Variants in ANO10 observed in about 807,000 individuals in gnomAD.
ANO10 encodes the protein anoctamin 10.
ANO10 carries 77 observed loss-of-function variants against 74.7 expected under a neutral mutation model. The ratio of observed to expected loss-of-function variants is 1.03; its 90% CI spans 0.86 to 1.25. The LOEUF is 1.25. ANO10 is among the 50% of genes most tolerant of loss of function. The probability of loss-of-function intolerance (pLI) is 0.00; values close to 1 mark genes in which losing one functional copy is unlikely to be tolerated. For synonymous variants in ANO10, 279 were observed against 284.9 expected (o/e 0.98, Z 0.21); for missense variants, 721 against 778.1 (o/e 0.93, Z 0.87).
chr3:43,471,406 T>C (rs982730827), intron 11 of ANO10, among the ~76,000 whole-genome samples: 2 of 152,214 alleles, frequency 1.3e-5, no homozygotes, highest in African/African-American at 4.8e-5. Context: ...TTTTCTATTC[T>C]TGATCCAAAA....
chr3:43,506,122 T>C (rs79206819), intron 11 of ANO10, among the ~76,000 whole-genome samples: 1,710 of 152,298 alleles, frequency 0.011, 29 homozygotes, highest in African/African-American at 0.038. Flanking sequence ...AAAATAAAGA[T>C]ATAATGCTCT....
At chr3:43,665,348 G>A (rs2149574825) in intron 1 of ANO10, among the ~76,000 whole-genome samples, 1 of 152,190 alleles carries the variant, frequency 6.6e-6, no homozygotes, top group South Asian at 2.1e-4. Context: ...CACAGGGAGG[G>A]GAACATCACA....
intron 2 of ANO10, 146 bp from the exon 3 acceptor site, chr3:43,600,727 A>G (rs1484949015): frequency 3.1e-5 from 23 of 734,018 alleles, no homozygotes; most frequent in African/African-American, 8.9e-5. Context: ...AGTAAATAAC[A>G]TAAGTACATT....
intron 4 of ANO10, among the ~76,000 whole-genome samples, chr3:43,593,255 AG>A (rs1444964260): frequency 1.3e-5 from 2 of 152,234 alleles, no homozygotes; most frequent in African/African-American, 4.8e-5. Flanking sequence ...GGAAATACAG[AG>A]AACGCCACAA....
At position 43,598,595 on chromosome 3, in the gene ANO10, C is replaced by T; in HGVS notation, c.409G>A (p.Ala137Thr). 6.2e-7 allele frequency: 1 copy of T among 1,612,236 alleles called. No individual in the cohort carries two copies. The highest frequency in any genetic ancestry group is 1.7e-5 in the Admixed American group (1 of 59,904). Residue 137 changes from alanine to threonine, a missense_variant, in exon 4 of 13, where the codon GCT becomes ACT. Transcript: ENST00000292246. Reference sequence around the variant, plus strand: ...CCAGGGATCATTTTTTCATCTTTAGCTCTAAGATTTTCAAGTTCATGTTTG... The same window carrying T: ...CCAGGGATCATTTTTTCATCTTTAGTTCTAAGATTTTCAAGTTCATGTTTG... Reference protein sequence around the residue: ...IIKHELENLRAKDEKMIPGYP... With the variant: ...IIKHELENLRTKDEKMIPGYP...
chr3:43,555,547 G>A (rs1170396136), intron 9 of ANO10, 78 bp from the exon 10 acceptor site: 1 of 1,427,020 alleles, frequency 7.0e-7, no homozygotes, highest in South Asian at 1.2e-5. Flanking sequence ...TCAAAGCTGT[G>A]GCCTCTAACT....
intron 1 of ANO10, among the ~76,000 whole-genome samples, chr3:43,644,407 A>G (rs1216175321): frequency 6.6e-6 from 1 of 152,128 alleles, no homozygotes; most frequent in Admixed American, 6.6e-5. Context: ...AGGGTGAGAA[A>G]TGAGATCAAG....
chr3:43,458,824 A>G (rs902114640), intron 11 of ANO10, among the ~76,000 whole-genome samples: 1 of 152,074 alleles, frequency 6.6e-6, no homozygotes, highest in Non-Finnish European at 1.5e-5. Context: ...CTACCCCTGG[A>G]CAGGCCCGGG....
intron 12 of ANO10, among the ~76,000 whole-genome samples, chr3:43,415,705 C>T (rs2092727986): frequency 6.6e-6 from 1 of 152,030 alleles, no homozygotes; most frequent in African/African-American, 2.4e-5. Flanking sequence ...CCACGTCTGG[C>T]TAATTTTTGA....
chr3:43,626,515 G>A (rs1199275345), upstream of ANO10, among the ~76,000 whole-genome samples: 3 of 151,770 alleles, frequency 2.0e-5, no homozygotes, highest in East Asian at 5.8e-4. Flanking sequence ...TGGCCAGGCT[G>A]CTTTTGAACT....
At chr3:43,646,411 T>C (rs1429031035) in intron 1 of ANO10, among the ~76,000 whole-genome samples, 2 of 152,210 alleles carry the variant, frequency 1.3e-5, no homozygotes, top group African/African-American at 4.8e-5. Context: ...TGTAACAGCA[T>C]GTGTGGCTGA....
intron 11 of ANO10, among the ~76,000 whole-genome samples, chr3:43,486,288 A>C (rs2149101523): frequency 6.6e-6 from 1 of 152,326 alleles, no homozygotes; most frequent in South Asian, 2.1e-4. Flanking sequence ...CTTGCCATTA[A>C]AATCTGTTTT....
chr3:43,544,662 G>A (rs1489513868), intron 11 of ANO10, among the ~76,000 whole-genome samples: 1 of 151,936 alleles, frequency 6.6e-6, no homozygotes, highest in East Asian at 1.9e-4. Flanking sequence ...GCGTGGTGGT[G>A]TGCACCTGTA....
intron 11 of ANO10, among the ~76,000 whole-genome samples, chr3:43,463,166 C>G (rs1005692887): frequency 1.3e-5 from 2 of 152,120 alleles, no homozygotes; most frequent in Non-Finnish European, 2.9e-5. Context: ...GCCACTGTCC[C>G]CCAGACCTGA....
chr3:43,435,834 C>A (rs924131887), intron 11 of ANO10, among the ~76,000 whole-genome samples: 1 of 152,118 alleles, frequency 6.6e-6, no homozygotes, highest in Admixed American at 6.6e-5. Context: ...TCTTGCTATC[C>A]TCCACCCCTA....
At chr3:43,580,124 CAT>C in intron 5 of ANO10, among the ~76,000 whole-genome samples, 1 of 131,108 alleles carries the variant, frequency 7.6e-6, no homozygotes, top group Middle Eastern at 5.1e-3. Flanking sequence ...CAGCCTGTGA[CAT>C]AGTGAGACCC....
At chr3:43,597,291 TG>T (rs1241474635) in intron 4 of ANO10, among the ~76,000 whole-genome samples, 1 of 152,244 alleles carries the variant, frequency 6.6e-6, no homozygotes, top group Non-Finnish European at 1.5e-5. Context: ...TAAATCATGC[TG>T]CTATAAAGAC....
At chr3:43,479,450 A>G (rs1280351048) in intron 11 of ANO10, among the ~76,000 whole-genome samples, 1 of 152,224 alleles carries the variant, frequency 6.6e-6, no homozygotes, top group African/African-American at 2.4e-5. Flanking sequence ...AAATTACCAA[A>G]TTCACAGTAC....
intron 7 of ANO10, among the ~76,000 whole-genome samples, chr3:43,567,438 G>C (rs2080427248): frequency 6.6e-6 from 1 of 152,068 alleles, no homozygotes; most frequent in Non-Finnish European, 1.5e-5. Flanking sequence ...ACAGAGAAAG[G>C]TCGGGTTACC....
Sources: allele counts gnomAD v4.1 joint callset (sites outside exome capture counted in the v4.1 genomes callset), GRCh38; gene constraint gnomAD v4.1.1; transcripts MANE v1.5; gene names NCBI Gene and HGNC (gene_info 2026-07-23, HGNC 2026-07-21).